SCN8A: variants seen among roughly 807,000 people sequenced by gnomAD.
SCN8A encodes sodium voltage-gated channel alpha subunit 8.
In SCN8A, 30 loss-of-function variants were observed where a neutral mutation model predicts 184.1. The observed-to-expected ratio is 0.16, with a 90% CI of 0.12 to 0.22. SCN8A has a LOEUF of 0.22. Ranked by LOEUF, SCN8A falls within the 10% of genes least tolerant of loss-of-function variation. The pLI is 1.00. For missense variants in SCN8A, 1,057 were observed against 2,498.9 expected (o/e 0.42, Z 12.30); for synonymous variants, 852 against 907.0 (o/e 0.94, Z 1.09).
chr12:51,689,695 A>T (rs1369797202), intron 6 of SCN8A: 1 of 152,616 alleles, frequency 6.6e-6, no homozygotes, highest in Non-Finnish European at 1.5e-5. Context: ...ACCAGTAGAC[A>T]TCTACTGTAC....
chr12:51,757,740 T>A (rs1473944984), intron 14 of SCN8A, among the ~76,000 whole-genome samples: 1 of 152,178 alleles, frequency 6.6e-6, no homozygotes, highest in African/African-American at 2.4e-5. Flanking sequence ...TGAGCTATGA[T>A]CATGCCACTA....
intron 1 of SCN8A, among the ~76,000 whole-genome samples, chr12:51,606,275 A>G (rs983370853): frequency 3.9e-5 from 6 of 152,174 alleles, no homozygotes; most frequent in Non-Finnish European, 8.8e-5. Context: ...ATAAGGTGAG[A>G]GATGAGGATC....
Position 51,810,493 on chromosome 12 carries a change from A to G in SCN8A, c.*3064A>G, listed in dbSNP as rs1414598055. 1 of 437,818 alleles carries G rather than the reference A, an allele frequency of 2.3e-6. No homozygotes were observed. Among genetic ancestry groups the G allele is most frequent in the African/African-American group, 2.0e-5 (1 of 48,994 alleles). The allele number at this position is 437,818 out of a possible 1,614,324, so 27.1% of individuals were successfully genotyped here. On this transcript the variant is annotated 3_prime_UTR_variant, in exon 27 of 27. Transcript: ENST00000627620. ...GCCAAATATTAACGAAGCCAATCAA[A>G]GAGCAGCGCAGCCACAGTATCACTG...
intron 21 of SCN8A, among the ~76,000 whole-genome samples, chr12:51,784,832 C>A (rs577970598): frequency 1.3e-5 from 2 of 152,258 alleles, no homozygotes; most frequent in South Asian, 2.1e-4. Context: ...ACAGGTTAGA[C>A]TGGGTTTGAG....
chr12:51,765,696 C>T lies in SCN8A; in HGVS notation c.2570C>T (p.Ser857Phe). 4 of 1,585,754 alleles carry T rather than the reference C, an allele frequency of 2.5e-6. No individual in the cohort carries two copies. Among genetic ancestry groups the T allele is most frequent in the South Asian group, 1.1e-5 (1 of 88,060 alleles). ...RLLRVFKLAK[S>F]WPTLNMLIKI... Reference sequence around the variant, plus strand: ...CTCCGAGTCTTCAAATTGGCCAAATCCTGGCCCACCCTGAACATGCTAATC... The same window carrying T: ...CTCCGAGTCTTCAAATTGGCCAAATTCTGGCCCACCCTGAACATGCTAATC... Residue 857 changes from serine to phenylalanine, a missense_variant, in exon 16 of 27, where the codon TCC (serine) becomes TTC (phenylalanine). Coordinates refer to ENST00000627620, the MANE Select transcript of SCN8A (RefSeq NM_001330260.2).
intron 2 of SCN8A, among the ~76,000 whole-genome samples, chr12:51,674,085 A>G (rs34164552): frequency 0.024 from 3,586 of 152,168 alleles, 121 homozygotes; most frequent in African/African-American, 0.079. Flanking sequence ...TAACTGAAGC[A>G]TAGAGTGTGG....
At chr12:51,773,846 G>A (rs988204637) in intron 19 of SCN8A, among the ~76,000 whole-genome samples, 7 of 152,084 alleles carry the variant, frequency 4.6e-5, no homozygotes, top group African/African-American at 1.7e-4. Flanking sequence ...TAGGTGAGTG[G>A]CTGCCTAGGG....
chr12:51,592,718 TG>T (rs1939255220), intron 1 of SCN8A, among the ~76,000 whole-genome samples: 1 of 147,790 alleles, frequency 6.8e-6, no homozygotes, highest in Non-Finnish European at 1.5e-5. Context: ...GAAGTGTGGG[TG>T]GGGGCCATGG....
At chr12:51,773,662 C>A (rs747464695) in intron 19 of SCN8A, among the ~76,000 whole-genome samples, 22 of 152,190 alleles carry the variant, frequency 1.4e-4, no homozygotes, top group Non-Finnish European at 2.6e-4. Flanking sequence ...GGCATATGCC[C>A]TAGAGAATGA....
intron 14 of SCN8A, among the ~76,000 whole-genome samples, chr12:51,752,137 G>C (rs1454739618): frequency 1.3e-5 from 2 of 151,988 alleles, no homozygotes; most frequent in Non-Finnish European, 2.9e-5. Flanking sequence ...AAAGTATGTA[G>C]TTTTAAAAAA....
In SCN8A at chr12:51,766,711, C is replaced by T. The variant is rs1461262788; in HGVS notation, c.2901+684C>T. On this transcript the variant is annotated intron_variant, in intron 16 of 26. Coordinates refer to ENST00000627620, the MANE Select transcript of SCN8A (RefSeq NM_001330260.2). Reference sequence around the variant, plus strand: ...TAGAAGAGTCACCAACAGATCTTAACACCTTGCTTCTTAAAGTGTGATCTG... The same window carrying T: ...TAGAAGAGTCACCAACAGATCTTAATACCTTGCTTCTTAAAGTGTGATCTG... 2.6e-5 allele frequency among the ~76,000 whole-genome samples: 4 copies of T among 152,206 alleles called. No homozygotes were observed. In the East Asian group the frequency reaches 7.7e-4, roughly 29 times the overall value.
chr12:51,715,272 C>T (rs977665514), intron 11 of SCN8A, among the ~76,000 whole-genome samples: 2 of 152,134 alleles, frequency 1.3e-5, no homozygotes, highest in African/African-American at 4.8e-5. Flanking sequence ...CATAGGTTCA[C>T]TGAATTGGTC....
At chr12:51,613,078 G>C (rs1482296772) in intron 1 of SCN8A, among the ~76,000 whole-genome samples, 1 of 151,992 alleles carries the variant, frequency 6.6e-6, no homozygotes, top group Non-Finnish European at 1.5e-5. Context: ...CTAGGATATT[G>C]GTCTGTAGTT....
At chr12:51,769,667 G>A (rs866534760) in intron 17 of SCN8A, among the ~76,000 whole-genome samples, 3 of 152,148 alleles carry the variant, frequency 2.0e-5, no homozygotes, top group Non-Finnish European at 4.4e-5. Flanking sequence ...ATTGCCGTCC[G>A]TGAGTAGGTT....
chr12:51,766,348 G>A (rs557825933), intron 16 of SCN8A: 6 of 364,868 alleles, frequency 1.6e-5, no homozygotes, highest in Non-Finnish European at 3.0e-5. Context: ...GTGCCCGTTC[G>A]CCTACAGAAG....
intron 4 of SCN8A, 33 bp downstream of exon 4, chr12:51,686,490 T>C (rs771300545): frequency 7.1e-7 from 1 of 1,403,160 alleles, no homozygotes; most frequent in Non-Finnish European, 1.0e-6. Flanking sequence ...TGCTTGTTTG[T>C]TTTAAATATT....
chr12:51,789,241 T>G (rs751719396), intron 23 of SCN8A, 40 bp from the exon 24 acceptor site: 2 of 1,611,012 alleles, frequency 1.2e-6, no homozygotes, highest in African/African-American at 2.7e-5. Flanking sequence ...AACTCCAAAC[T>G]AGGAGCTGAT....
At chr12:51,707,980 T>C (rs1941812515) in intron 11 of SCN8A, among the ~76,000 whole-genome samples, 3 of 152,174 alleles carry the variant, frequency 2.0e-5, no homozygotes, top group Admixed American at 2.0e-4. Flanking sequence ...TTTGGAACAT[T>C]CTCCATTCTA....
At chr12:51,735,771 T>A (rs1266178038) in intron 12 of SCN8A, among the ~76,000 whole-genome samples, 3 of 152,188 alleles carry the variant, frequency 2.0e-5, no homozygotes, top group Non-Finnish European at 4.4e-5. Flanking sequence ...TCCTGGAGTC[T>A]CTTCCTCGGC....
Sources: gnomAD v4.1 joint callset for allele counts (sites outside exome capture counted in the v4.1 genomes callset) on GRCh38, gnomAD v4.1.1 for gene constraint, MANE v1.5 for transcripts, NCBI Gene and HGNC (gene_info 2026-07-23, HGNC 2026-07-21) for gene names.